Variants in FRMD6 observed in about 807,000 individuals in gnomAD.
FRMD6 encodes FERM domain containing 6.
A neutral mutation model predicts 73.2 loss-of-function variants in FRMD6; 37 were observed. The observed-to-expected ratio is 0.51, with a 90% CI of 0.39 to 0.66. FRMD6 has a LOEUF of 0.66. FRMD6 is among the 30% of genes least tolerant of loss of function. FRMD6 has a pLI of 0.00. For missense variants in FRMD6, 714 were observed against 780.5 expected, an observed-to-expected ratio of 0.91 and a Z score of 1.02; for synonymous variants, 273 against 282.2, an observed-to-expected ratio of 0.97 and a Z score of 0.33.
At chr14:51,409,524 G>A in the FRMD6 span, among the ~76,000 whole-genome samples, 1 of 151,988 alleles carries the variant, frequency 6.6e-6, no homozygotes, top group Non-Finnish European at 1.5e-5. Context: ...TCTAACTTCA[G>A]GCTTTAATTC....
In FRMD6 at chr14:51,689,733, A is replaced by G. The variant is rs566553978; in HGVS notation, c.-104A>G. ...TCGAACACCGTGATGCTTCTCCTGC[A>G]GGGCGTGTGATGAGGAGGCGAGCTT... On this transcript the variant is annotated 5_prime_UTR_variant, in exon 2 of 14. Coordinates refer to ENST00000344768, the MANE Select transcript of FRMD6 (RefSeq NM_001267046.2). 6.6e-5 allele frequency: 49 copies of G among 744,976 alleles called. No individual in the cohort carries two copies. The African/African-American group carries it at 6.9e-4, about 10-fold the overall frequency. The allele number at this position is 744,976 out of a possible 1,614,324, so 46.1% of individuals were successfully genotyped here. A position where few individuals can be genotyped will look rare whatever the true frequency, so the allele number is the denominator to read the frequency against.
chr14:51,585,939 G>GTGTGTGTGTGTGTGTGTGTGTA, intron 2 of FRMD6, among the ~76,000 whole-genome samples: 2 of 31,396 alleles, frequency 6.4e-5, no homozygotes, highest in Admixed American at 4.2e-4. Context: ...GTGTGTGTGT[G>GTGTGTGTGTGTGTGTGTGTGTA]TATATATATA....
chr14:51,405,496 T>C, the FRMD6 span, among the ~76,000 whole-genome samples: 1 of 152,196 alleles, frequency 6.6e-6, no homozygotes, highest in Non-Finnish European at 1.5e-5. Flanking sequence ...TGACTTTTAA[T>C]AATAGCCATT....
chr14:51,557,727 G>A (rs2139481939), intron 1 of FRMD6, among the ~76,000 whole-genome samples: 1 of 152,208 alleles, frequency 6.6e-6, no homozygotes, highest in Admixed American at 6.5e-5. Flanking sequence ...GTTTGATTTA[G>A]CCATTCCCCA....
chr14:51,623,527 C>T (rs1045744067), intron 2 of FRMD6, among the ~76,000 whole-genome samples: 5 of 152,224 alleles, frequency 3.3e-5, no homozygotes, highest in African/African-American at 9.6e-5. Context: ...CAGATTTTCT[C>T]ATGCTTCTCT....
At chr14:51,642,187 G>A (rs1261508049) in intron 2 of FRMD6, among the ~76,000 whole-genome samples, 2 of 152,172 alleles carry the variant, frequency 1.3e-5, no homozygotes, top group African/African-American at 4.8e-5. Flanking sequence ...TGCTCAGAAG[G>A]GAACATAGTG....
At chr14:51,434,162 A>T in the FRMD6 span, among the ~76,000 whole-genome samples, 1 of 152,170 alleles carries the variant, frequency 6.6e-6, no homozygotes, top group Non-Finnish European at 1.5e-5. Context: ...GCGTAAACTC[A>T]TGATTTTTAT....
At chr14:51,607,531 T>G (rs1288582360) in intron 2 of FRMD6, among the ~76,000 whole-genome samples, 1 of 152,184 alleles carries the variant, frequency 6.6e-6, no homozygotes, top group Non-Finnish European at 1.5e-5. Context: ...AATACATGAT[T>G]GCCATGTAAG....
chr14:51,575,283 G>A (rs1486497456), intron 2 of FRMD6, among the ~76,000 whole-genome samples: 1 of 152,170 alleles, frequency 6.6e-6, no homozygotes, highest in South Asian at 2.1e-4. Context: ...GGGGAGAAAG[G>A]AATTAAGGCA....
the FRMD6 span, among the ~76,000 whole-genome samples, chr14:51,428,252 A>C: frequency 1.5e-4 from 23 of 152,264 alleles, no homozygotes; most frequent in East Asian, 3.9e-4. Flanking sequence ...GCCAATACAA[A>C]CTATCAGTGC....
chr14:51,504,022 G>A (rs1376330731), intron 1 of FRMD6, among the ~76,000 whole-genome samples: 1 of 152,150 alleles, frequency 6.6e-6, no homozygotes, highest in Non-Finnish European at 1.5e-5. Flanking sequence ...TGTCATAGAG[G>A]TGTTTATAGT....
intron 3 of FRMD6, among the ~76,000 whole-genome samples, chr14:51,699,243 C>T (rs190476630): frequency 6.6e-6 from 1 of 152,154 alleles, no homozygotes; most frequent in African/African-American, 2.4e-5. Flanking sequence ...GCCATTTGCT[C>T]TTCAGTTTCT....
intron 1 of FRMD6, among the ~76,000 whole-genome samples, chr14:51,505,026 G>T (rs192256091): frequency 5.9e-5 from 9 of 152,210 alleles, no homozygotes; most frequent in Middle Eastern, 3.4e-3. Flanking sequence ...GCTATCTTAG[G>T]CCTCACTGTC....
chr14:51,401,596 C>G, the FRMD6 span, among the ~76,000 whole-genome samples: 1 of 152,228 alleles, frequency 6.6e-6, no homozygotes, highest in Non-Finnish European at 1.5e-5. Context: ...CAAGCTCAGG[C>G]CAAAAGTAAA....
intron 1 of FRMD6, among the ~76,000 whole-genome samples, chr14:51,545,996 C>T (rs920808539): frequency 2.6e-5 from 4 of 152,022 alleles, no homozygotes; most frequent in Non-Finnish European, 5.9e-5. Context: ...GGGATTATAT[C>T]TAAATTTAAA....
At chr14:51,436,914 A>G in the FRMD6 span, 1 of 1,003,358 alleles carries the variant, frequency 1.0e-6, no homozygotes, top group Middle Eastern at 3.5e-4. Context: ...GAAGAAGAAG[A>G]AGATGATGAT....
chr14:51,676,884 A>G (rs1247949979), intron 1 of FRMD6, among the ~76,000 whole-genome samples: 1 of 152,090 alleles, frequency 6.6e-6, no homozygotes, highest in African/African-American at 2.4e-5. Context: ...TATCACACAT[A>G]TATATGTATC....
chr14:51,601,638 A>C (rs1890041347), intron 2 of FRMD6, among the ~76,000 whole-genome samples: 1 of 152,132 alleles, frequency 6.6e-6, no homozygotes, highest in Admixed American at 6.5e-5. Flanking sequence ...TTTTCTTTTT[A>C]TCATTTATGC....
intron 2 of FRMD6, among the ~76,000 whole-genome samples, chr14:51,572,504 A>G (rs185026131): frequency 1.4e-4 from 22 of 152,370 alleles, no homozygotes; most frequent in Admixed American, 1.3e-3. Flanking sequence ...ATTGCCCTGT[A>G]GATGGCTTTG....
Sources: allele counts gnomAD v4.1 joint callset (sites outside exome capture counted in the v4.1 genomes callset), GRCh38; gene constraint gnomAD v4.1.1; transcripts MANE v1.5; gene names NCBI Gene and HGNC (gene_info 2026-07-23, HGNC 2026-07-21).